Variants in CYTH3 observed in about 807,000 individuals in gnomAD.
CYTH3 encodes cytohesin-3.
In CYTH3, 23 loss-of-function variants were observed where a neutral mutation model predicts 55.1. That is an observed-to-expected ratio of 0.42 (90% CI 0.30 to 0.59). The LOEUF is 0.59. Among genes scored for constraint, CYTH3 ranks in the 20% least tolerant of loss-of-function variants. The probability of loss-of-function intolerance (pLI) is 0.20; values close to 1 mark genes in which losing one functional copy is unlikely to be tolerated. For missense variants in CYTH3, 413 were observed against 524.8 expected (o/e 0.79, Z 2.08); for synonymous variants, 249 against 194.9 (o/e 1.28, Z -2.31).
At chr7:6,261,481 G>A (rs1364131613) in intron 1 of CYTH3, among the ~76,000 whole-genome samples, 1 of 152,056 alleles carries the variant, frequency 6.6e-6, no homozygotes, top group Admixed American at 6.6e-5. Context: ...TTTGGAGGCT[G>A]AGGCAGGCAG....
chr7:6,247,058 G>A (rs1352344122), intron 1 of CYTH3, among the ~76,000 whole-genome samples: 1 of 152,212 alleles, frequency 6.6e-6, no homozygotes. Context: ...AGTAAGGAAA[G>A]GTACTGGCTC....
chr7:6,190,270 T>C (rs1359174278), intron 2 of CYTH3, among the ~76,000 whole-genome samples, 179 bp downstream of exon 2: 1 of 151,966 alleles, frequency 6.6e-6, no homozygotes, highest in Non-Finnish European at 1.5e-5. Context: ...CTTGATAACT[T>C]TTCACTCTGT....
At position 6,272,520 on chromosome 7, in the gene CYTH3, C is replaced by A; in HGVS notation, c.-13G>T. 1 of 1,334,534 alleles carries A rather than the reference C, an allele frequency of 7.5e-7. No homozygotes were observed. Among genetic ancestry groups the A allele is most frequent in the Non-Finnish European group, 9.7e-7 (1 of 1,030,850 alleles). 82.7% of individuals were successfully genotyped at this position (1,334,534 alleles called of 1,614,324 possible). On this transcript the variant is annotated 5_prime_UTR_variant, in exon 1 of 13. Transcript: ENST00000350796. ...CGTCTTCATCCATCTTGAGGCCACT[C>A]CCGCAGCCGGCGAGCCGGGGGCCGG...
In CYTH3 at chr7:6,234,678, G is replaced by C. The variant is rs548686464; in HGVS notation, c.34+37796C>G. Among the ~76,000 whole-genome samples, 82 of 152,274 alleles carry C rather than the reference G, an allele frequency of 5.4e-4. No homozygotes were observed. The South Asian group carries it at 0.016, about 30-fold the overall frequency. ...CTTAGTGAGTAAGAACTGGGTGCAC[G>C]AGTGCAAACTGGGAGAGCTGTAGCT... is the stretch of plus-strand genomic sequence containing the variant. On this transcript the variant is annotated intron_variant, in intron 1 of 12. Transcript: ENST00000350796.
chr7:6,204,101 A>G (rs1784128305), intron 1 of CYTH3, among the ~76,000 whole-genome samples: 1 of 152,166 alleles, frequency 6.6e-6, no homozygotes, highest in African/African-American at 2.4e-5. Flanking sequence ...GACAGTATAA[A>G]TAAAGATTCT....
At chr7:6,271,706 A>C (rs1308776493) in intron 1 of CYTH3, among the ~76,000 whole-genome samples, 4 of 152,158 alleles carry the variant, frequency 2.6e-5, no homozygotes, top group Non-Finnish European at 5.9e-5. Context: ...CGTCAGACAC[A>C]GACCACCTGG....
chr7:6,205,505 T>C (rs1309911454), intron 1 of CYTH3, among the ~76,000 whole-genome samples: 3 of 145,066 alleles, frequency 2.1e-5, no homozygotes, highest in African/African-American at 7.7e-5. Flanking sequence ...ACCCAGGAGG[T>C]AGAAGTCGCA....
Position 6,259,772 on chromosome 7 carries a change from T to TATATATATAATATATATATAATA in CYTH3, c.34+12701_34+12702insTATTATATATATATTATATATAT, listed in dbSNP as rs1491219669. Among the ~76,000 whole-genome samples, 5 of 30,502 alleles carry TATATATATAATATATATATAATA rather than the reference T, an allele frequency of 1.6e-4. 1 individual carries two copies. The highest frequency in any genetic ancestry group is 1.6e-3 in the African/African-American group (5 of 3,214). 20.0% of individuals were successfully genotyped at this position (30,502 alleles called of 152,430 possible). A position where few individuals can be genotyped will look rare whatever the true frequency, so the allele number is the denominator to read the frequency against. On this transcript the variant is annotated intron_variant, in intron 1 of 12. Coordinates refer to ENST00000350796, the MANE Select transcript of CYTH3 (RefSeq NM_004227.4). ...TATATATATATTATATATATATATA[T>TATATATATAATATATATATAATA]TATATATATATAATATATATATATA...
chr7:6,216,693 A>AT (rs1236265101), intron 1 of CYTH3, among the ~76,000 whole-genome samples: 1 of 152,022 alleles, frequency 6.6e-6, no homozygotes, highest in Non-Finnish European at 1.5e-5. Context: ...GTCAGCCAAG[A>AT]TCACACTACT....
rs1783143786 is a variant in CYTH3 at position 6,170,439 on chromosome 7, T to TG, written c.823+95dup. ...TTCTTTTTAACGTCTCTGCCTGCGG[T>TG]GGGGGGCATTCCTACGATGAGCCTG... On this transcript the variant is annotated intron_variant, in intron 9 of 12. Coordinates refer to ENST00000350796, the MANE Select transcript of CYTH3 (RefSeq NM_004227.4). The surrounding 1 kb of genome is among the most constrained non-coding windows in gnomAD (Gnocchi z 7.8). 5.4e-6 allele frequency: 6 copies of TG among 1,113,638 alleles called. No homozygotes were observed. The highest frequency in any genetic ancestry group is 2.5e-5 in the East Asian group (1 of 40,780). 69.0% of individuals were successfully genotyped at this position (1,113,638 alleles called of 1,614,324 possible).
chr7:6,239,798 TTAA>T (rs1168839019), intron 1 of CYTH3, among the ~76,000 whole-genome samples: 1 of 152,042 alleles, frequency 6.6e-6, no homozygotes, highest in Admixed American at 6.5e-5. Flanking sequence ...CCAAATAAAT[TTAA>T]TAATAAATGC....
intron 1 of CYTH3, among the ~76,000 whole-genome samples, chr7:6,236,195 A>T (rs1779518756): frequency 6.6e-6 from 1 of 151,946 alleles, no homozygotes; most frequent in Admixed American, 6.6e-5. Context: ...TATTAACAGA[A>T]AATAACCCCC....
chr7:6,193,394 A>G (rs1005731857), intron 1 of CYTH3, among the ~76,000 whole-genome samples: 47 of 151,684 alleles, frequency 3.1e-4, no homozygotes, highest in African/African-American at 1.0e-3. Flanking sequence ...AAAAAAAAAA[A>G]GGAGACATCC....
chr7:6,229,449 C>G (rs1017320121), intron 1 of CYTH3, among the ~76,000 whole-genome samples: 6 of 152,112 alleles, frequency 3.9e-5, no homozygotes, highest in Admixed American at 1.3e-4. Flanking sequence ...TGCACCCTTA[C>G]AAGCCTGTGC....
intron 1 of CYTH3, among the ~76,000 whole-genome samples, chr7:6,255,689 G>A (rs1448925567): frequency 6.6e-6 from 1 of 151,432 alleles, no homozygotes; most frequent in Non-Finnish European, 1.5e-5. Flanking sequence ...TGAAATTAAG[G>A]ACTTACAGAC....
intron 1 of CYTH3, among the ~76,000 whole-genome samples, chr7:6,223,527 C>A (rs1041204005): frequency 6.6e-6 from 1 of 152,140 alleles, no homozygotes; most frequent in African/African-American, 2.4e-5. Context: ...TAATCTATAA[C>A]CTTACCCCCA....
intron 1 of CYTH3, among the ~76,000 whole-genome samples, chr7:6,253,482 T>A (rs1056480700): frequency 2.0e-5 from 3 of 151,982 alleles, no homozygotes; most frequent in African/African-American, 7.2e-5. Flanking sequence ...GTGCTGAAAT[T>A]ACCAGCCTGA....
At chr7:6,241,364 G>A (rs1041586665) in intron 1 of CYTH3, among the ~76,000 whole-genome samples, 7 of 152,070 alleles carry the variant, frequency 4.6e-5, no homozygotes, top group African/African-American at 7.2e-5. Context: ...CAAACTAAAC[G>A]GAAATACCAT....
chr7:6,198,195 A>T (rs1783979614), intron 1 of CYTH3, among the ~76,000 whole-genome samples: 1 of 152,216 alleles, frequency 6.6e-6, no homozygotes, highest in African/African-American at 2.4e-5. Context: ...CATTACTAGG[A>T]AGTAACAGAA....
Sources: gnomAD v4.1 joint callset for allele counts (sites outside exome capture counted in the v4.1 genomes callset) on GRCh38, gnomAD v4.1.1 for gene constraint, Gnocchi (gnomAD v3.1) non-coding constraint, MANE v1.5 for transcripts, NCBI Gene and HGNC (gene_info 2026-07-23, HGNC 2026-07-21) for gene names.